Variants in TANC2 observed in about 807,000 individuals in gnomAD.
TANC2 encodes protein TANC2.
In TANC2, 26 loss-of-function variants were observed where a neutral mutation model predicts 210.5. The observed-to-expected ratio is 0.12, with a 90% confidence interval of 0.09 to 0.17. The LOEUF is 0.17. Ranked by LOEUF, TANC2 falls within the 10% of genes least tolerant of loss-of-function variation. The pLI is 1.00. For missense variants in TANC2, 2,129 were observed against 2,608.9 expected (o/e 0.82, Z 4.01); for synonymous variants, 931 against 967.1 (o/e 0.96, Z 0.69).
At chr17:63,396,046 G>A (rs542692162) in intron 18 of TANC2, 118 bp downstream of exon 18, 11 of 933,012 alleles carry the variant, frequency 1.2e-5, no homozygotes, top group East Asian at 5.3e-5. Context: ...ATTCGTGATC[G>A]CTGCTCTGAA....
At chr17:63,359,133 G>A (rs542957213) in intron 14 of TANC2, among the ~76,000 whole-genome samples, 5 of 151,636 alleles carry the variant, frequency 3.3e-5, no homozygotes, top group East Asian at 3.9e-4. Context: ...GCACAGTCAC[G>A]GCTCACTGAA....
intron 4 of TANC2, among the ~76,000 whole-genome samples, chr17:63,114,582 A>G (rs951283435): frequency 6.6e-6 from 1 of 152,204 alleles, no homozygotes; most frequent in Non-Finnish European, 1.5e-5. Context: ...TTGAATTGCT[A>G]TAGCTAGTAG....
intron 14 of TANC2, among the ~76,000 whole-genome samples, chr17:63,373,399 T>C (rs1395196191): frequency 1.3e-5 from 2 of 152,342 alleles, no homozygotes; most frequent in East Asian, 3.9e-4. Flanking sequence ...AATGAGTATA[T>C]TGTTCTTTAC....
At chr17:63,289,949 C>T (rs112842258) in intron 9 of TANC2, among the ~76,000 whole-genome samples, 1 of 151,988 alleles carries the variant, frequency 6.6e-6, no homozygotes, top group Non-Finnish European at 1.5e-5. Context: ...TCCTTCCCCC[C>T]CTTCAGTGGG....
At chr17:63,221,576 A>G (rs1231101449) in intron 7 of TANC2, among the ~76,000 whole-genome samples, 1 of 152,224 alleles carries the variant, frequency 6.6e-6, no homozygotes, top group African/African-American at 2.4e-5. Flanking sequence ...ATAAAGGCAT[A>G]CAACTTGAAT....
At chr17:63,419,180 G>A (rs1338398325) in intron 27 of TANC2, among the ~76,000 whole-genome samples, 6 of 152,144 alleles carry the variant, frequency 3.9e-5, no homozygotes, top group South Asian at 2.1e-4. Context: ...ACATGGTCCC[G>A]AAAATCACAC....
intron 17 of TANC2, among the ~76,000 whole-genome samples, chr17:63,392,327 C>G (rs1391924774): frequency 6.6e-6 from 1 of 152,196 alleles, no homozygotes; most frequent in Non-Finnish European, 1.5e-5. Context: ...TTCCTCAGAT[C>G]CAGCTTTCTA....
chr17:63,258,117 C>T (rs1380342667), intron 8 of TANC2, among the ~76,000 whole-genome samples: 1 of 152,118 alleles, frequency 6.6e-6, no homozygotes, highest in African/African-American at 2.4e-5. Flanking sequence ...GGATGTTTTC[C>T]CTGGATACGC....
intron 17 of TANC2, among the ~76,000 whole-genome samples, chr17:63,395,028 AC>A (rs1335013302): frequency 6.6e-6 from 1 of 152,212 alleles, no homozygotes; most frequent in African/African-American, 2.4e-5. Context: ...GACAAGTACC[AC>A]CTACCTACCA....
At chr17:63,355,512 G>GT in intron 14 of TANC2, 122 bp downstream of exon 14, 3 of 1,144,962 alleles carry the variant, frequency 2.6e-6, no homozygotes, top group Non-Finnish European at 3.6e-6. Context: ...CATCATCTGT[G>GT]TTTCTTCTCA....
Position 63,412,827 on chromosome 17 carries a change from C to A in TANC2, c.3928+118C>A. ...ACCTCTAATCTTTTAATTTACTTCA[C>A]CTTAAAAGAAGATTTTTTTTAATGA... On this transcript the variant is annotated intron_variant, in intron 24 of 27. Coordinates refer to ENST00000689528, the Ensembl canonical transcript of TANC2. This position sits in a 1 kb window ranked among gnomAD's most constrained non-coding sequence, Gnocchi z 4.2. The A allele has an allele frequency of 2.4e-6, 3 of 1,260,760 alleles. No homozygotes were observed. The highest frequency in any genetic ancestry group is 3.2e-6 in the Non-Finnish European group (3 of 933,878). 78.1% of individuals were successfully genotyped at this position (1,260,760 alleles called of 1,614,324 possible). A position where few individuals can be genotyped will look rare whatever the true frequency, so the allele number is the denominator to read the frequency against.
chr17:63,309,508 A>C (rs2045045348), intron 9 of TANC2, among the ~76,000 whole-genome samples: 1 of 152,166 alleles, frequency 6.6e-6, no homozygotes. Flanking sequence ...GGGTTTTTAA[A>C]ATATGACATT....
intron 14 of TANC2, among the ~76,000 whole-genome samples, chr17:63,358,376 A>AGAGAGT (rs1470682571): frequency 3.0e-4 from 24 of 81,044 alleles, no homozygotes; most frequent in African/African-American, 8.8e-4. Flanking sequence ...AGAGAGAGAG[A>AGAGAGT]GTATGTGTGT....
chr17:63,130,627 A>G (rs1441112646), intron 4 of TANC2, among the ~76,000 whole-genome samples: 5 of 152,178 alleles, frequency 3.3e-5, no homozygotes, highest in Non-Finnish European at 2.9e-5. Flanking sequence ...AGTTTACTGC[A>G]TATTTACATT....
intron 14 of TANC2, among the ~76,000 whole-genome samples, chr17:63,369,607 G>T (rs1344861562): frequency 6.9e-6 from 1 of 145,028 alleles, no homozygotes; most frequent in East Asian, 2.0e-4. Context: ...ATGCCAGAGT[G>T]CAGTGGCATG....
At chr17:63,194,200 T>G in intron 6 of TANC2, 61 bp downstream of exon 6, 1 of 1,525,864 alleles carries the variant, frequency 6.6e-7, no homozygotes, top group Non-Finnish European at 8.8e-7. Flanking sequence ...ATGCCAGAAA[T>G]AATCCCAATT....
At chr17:63,271,240 T>C (rs1057203518) in intron 9 of TANC2, among the ~76,000 whole-genome samples, 2 of 152,122 alleles carry the variant, frequency 1.3e-5, no homozygotes, top group African/African-American at 4.8e-5. Flanking sequence ...TGCCACACTG[T>C]TTTCCACAGT....
chr17:63,366,296 A>G (rs139640023), intron 14 of TANC2, among the ~76,000 whole-genome samples: 3 of 152,238 alleles, frequency 2.0e-5, no homozygotes, highest in African/African-American at 7.2e-5. Flanking sequence ...ACTGCTGGGA[A>G]TACAAATACA....
intron 5 of TANC2, chr17:63,154,178 G>A (rs868448456): frequency 2.6e-5 from 4 of 152,238 alleles, no homozygotes; most frequent in African/African-American, 9.6e-5. Context: ...CCAGAATAAA[G>A]GGGATGTTCC....
Sources: gnomAD v4.1 joint callset for allele counts (sites outside exome capture counted in the v4.1 genomes callset) on GRCh38, gnomAD v4.1.1 for gene constraint, Gnocchi (gnomAD v3.1) non-coding constraint, MANE v1.5 for transcripts, NCBI Gene and HGNC (gene_info 2026-07-23, HGNC 2026-07-21) for gene names.